Variants in ATP10B observed in about 807,000 individuals in gnomAD.
The protein encoded by ATP10B is phospholipid-transporting ATPase VB.
Under a neutral mutation model 141.2 loss-of-function variants are expected in ATP10B, and 122 were observed. That is an observed-to-expected ratio of 0.86 (90% CI 0.75 to 1.00). The LOEUF (loss-of-function observed/expected upper bound fraction) is 1.00. Ranked by LOEUF, ATP10B falls within the 50% of genes least tolerant of loss-of-function variation. ATP10B has a pLI of 0.00. For synonymous variants in ATP10B, 685 were observed against 692.0 expected, an observed-to-expected ratio of 0.99 and a Z score of 0.16; for missense variants, 1,876 against 1,825.3, an observed-to-expected ratio of 1.03 and a Z score of -0.51.
At chr5:160,570,037 A>G (rs1468034539) in intron 24 of ATP10B, among the ~76,000 whole-genome samples, 1 of 151,538 alleles carries the variant, frequency 6.6e-6, no homozygotes, top group Non-Finnish European at 1.5e-5. Context: ...TTCCCTCAAT[A>G]TTATGTTTGT....
At chr5:160,604,802 T>C (rs1272817054) in intron 19 of ATP10B, among the ~76,000 whole-genome samples, 3 of 152,188 alleles carry the variant, frequency 2.0e-5, no homozygotes, top group Non-Finnish European at 4.4e-5. Flanking sequence ...ATATCTGCAC[T>C]GTCCAATATA....
intron 14 of ATP10B, 61 bp from the exon 15 acceptor site, chr5:160,621,011 T>C: frequency 6.5e-7 from 1 of 1,532,988 alleles, no homozygotes; most frequent in Non-Finnish European, 8.8e-7. Context: ...TACCAAGTTG[T>C]CTTATGCGGA....
chr5:160,635,120 G>A (rs2127666838), intron 11 of ATP10B, among the ~76,000 whole-genome samples: 1 of 152,310 alleles, frequency 6.6e-6, no homozygotes, highest in African/African-American at 2.4e-5. Flanking sequence ...ATATATGAGT[G>A]GTGGTAAGTT....
chr5:160,821,487 T>C (rs1774099208), intron 1 of ATP10B, among the ~76,000 whole-genome samples: 1 of 152,056 alleles, frequency 6.6e-6, no homozygotes, highest in African/African-American at 2.4e-5. Context: ...ATAACAATGA[T>C]ATTCTTTACA....
chr5:160,860,625 A>T, the ATP10B span, among the ~76,000 whole-genome samples: 2 of 152,160 alleles, frequency 1.3e-5, no homozygotes, highest in East Asian at 3.9e-4. Context: ...GCTAAAAAAC[A>T]TCAGCAACTG....
intron 5 of ATP10B, among the ~76,000 whole-genome samples, chr5:160,686,643 G>A (rs1254125038): frequency 1.3e-5 from 2 of 152,184 alleles, no homozygotes; most frequent in Non-Finnish European, 2.9e-5. Flanking sequence ...TGAGACTGGA[G>A]ATGATTATTC....
At chr5:160,871,316 T>C in the ATP10B span, among the ~76,000 whole-genome samples, 1 of 152,044 alleles carries the variant, frequency 6.6e-6, no homozygotes, top group Non-Finnish European at 1.5e-5. Flanking sequence ...TAGAATAATT[T>C]TTACTCAATT....
chr5:160,586,913 T>C (rs747391684), intron 24 of ATP10B, among the ~76,000 whole-genome samples: 4 of 152,236 alleles, frequency 2.6e-5, no homozygotes, highest in African/African-American at 7.2e-5. Context: ...ATTCTGTAGA[T>C]TGCCTTTTCA....
chr5:160,863,626 GAAAC>G, the ATP10B span, among the ~76,000 whole-genome samples: 20 of 151,420 alleles, frequency 1.3e-4, no homozygotes, highest in Non-Finnish European at 2.7e-4. Flanking sequence ...AAATGAAATT[GAAAC>G]AAAAAAATAC....
At chr5:160,611,147 G>A (rs775932688) in intron 18 of ATP10B, among the ~76,000 whole-genome samples, 1 of 152,126 alleles carries the variant, frequency 6.6e-6, no homozygotes, top group Non-Finnish European at 1.5e-5. Context: ...AAGGGTGTAG[G>A]CATGGCTGAG....
At position 160,636,530 on chromosome 5, in the gene ATP10B, ATTAAGT is replaced by A. The variant is rs1561678011; in HGVS notation, c.1001-227_1001-222del. ...TATACATTTCAATCCTTTGATAGGCATTAAGTTTGTTTTACAAGAGGAGATTGGCAT... is the reference window on the plus strand; with the variant it reads ...TATACATTTCAATCCTTTGATAGGCATTGTTTTACAAGAGGAGATTGGCAT... On this transcript the variant is annotated intron_variant, in intron 10 of 25. Transcript: ENST00000327245. 1.3e-5 allele frequency among the ~76,000 whole-genome samples: 2 copies of A among 152,140 alleles called. 1 individual carries two copies. The highest frequency in any genetic ancestry group is 3.8e-4 in the East Asian group (2 of 5,200).
At chr5:160,650,202 A>G (rs895748836) in intron 7 of ATP10B, among the ~76,000 whole-genome samples, 1 of 151,668 alleles carries the variant, frequency 6.6e-6, no homozygotes, top group African/African-American at 2.4e-5. Flanking sequence ...ACACACACAC[A>G]TACACACATA....
intron 7 of ATP10B, among the ~76,000 whole-genome samples, chr5:160,656,783 G>A (rs367571081): frequency 2.0e-5 from 3 of 151,938 alleles, no homozygotes; most frequent in South Asian, 2.1e-4. Context: ...AAATCCCTCC[G>A]TGTCCATTAG....
chr5:160,679,682 T>G (rs1443654883), intron 6 of ATP10B, among the ~76,000 whole-genome samples: 1 of 152,236 alleles, frequency 6.6e-6, no homozygotes, highest in Admixed American at 6.5e-5. Context: ...ACATAAGGTT[T>G]GCCATGGCAA....
At chr5:160,579,880 C>T (rs1755434304) in intron 24 of ATP10B, among the ~76,000 whole-genome samples, 1 of 152,204 alleles carries the variant, frequency 6.6e-6, no homozygotes, top group African/African-American at 2.4e-5. Flanking sequence ...ATGTCTTTCA[C>T]TTCCCTTGTT....
intron 2 of ATP10B, among the ~76,000 whole-genome samples, chr5:160,761,298 G>A (rs897739085): frequency 5.3e-5 from 8 of 152,102 alleles, no homozygotes; most frequent in African/African-American, 1.4e-4. Context: ...AGTCCACTTC[G>A]CTCCCCTGCC....
intron 5 of ATP10B, among the ~76,000 whole-genome samples, 194 bp from the exon 6 acceptor site, chr5:160,686,467 G>A (rs190916139): frequency 1.3e-5 from 2 of 152,290 alleles, no homozygotes; most frequent in Non-Finnish European, 2.9e-5. Context: ...TGGGGAACAG[G>A]TGGTGTTTGG....
intron 4 of ATP10B, 80 bp from the exon 5 acceptor site, chr5:160,688,174 AG>A: frequency 7.0e-7 from 1 of 1,431,054 alleles, no homozygotes; most frequent in Non-Finnish European, 9.4e-7. Context: ...CCATCCATGC[AG>A]GGTAGACACT....
intron 1 of ATP10B, among the ~76,000 whole-genome samples, chr5:160,797,413 T>C (rs1772026920): frequency 1.3e-5 from 2 of 152,218 alleles, no homozygotes; most frequent in African/African-American, 4.8e-5. Flanking sequence ...AATTGTTTAT[T>C]GTGAGTTGCT....
Sources: gnomAD v4.1 joint callset for allele counts (sites outside exome capture counted in the v4.1 genomes callset) on GRCh38, gnomAD v4.1.1 for gene constraint, MANE v1.5 for transcripts, NCBI Gene and HGNC (gene_info 2026-07-23, HGNC 2026-07-21) for gene names.